The following ETV5 variants were observed in gnomAD, a reference collection of about 807,000 sequenced individuals.
ETV5 encodes the protein ETS variant transcription factor 5, also known as ETS translocation variant 5.
Under a neutral mutation model 70.0 loss-of-function variants are expected in ETV5, and 10 were observed. The ratio of observed to expected loss-of-function variants is 0.14; its 90% CI spans 0.09 to 0.24. The LOEUF (loss-of-function observed/expected upper bound fraction) is 0.24. Ranked by LOEUF, ETV5 falls within the 10% of genes least tolerant of loss-of-function variation. The pLI is 1.00. For missense variants in ETV5, 453 were observed against 651.2 expected (o/e 0.70, Z 3.31); for synonymous variants, 216 against 242.2 (o/e 0.89, Z 1.01).
Position 186,046,832 on chromosome 3 carries a change from A to T in ETV5, c.*1807T>A. On this transcript the variant is annotated 3_prime_UTR_variant, in exon 13 of 13. Transcript: ENST00000306376. ...AAAGCTATAAATATGGTTTAGAAAG[A>T]GTCCTTTGATTAGAGTACAATGCTA... 4.3e-6 allele frequency: 1 copy of T among 232,284 alleles called. No homozygotes were observed. The allele number at this position is 232,284 out of a possible 1,614,324, so 14.4% of individuals were successfully genotyped here.
intron 5 of ETV5, among the ~76,000 whole-genome samples, chr3:186,085,434 AC>A (rs1382464441): frequency 6.6e-6 from 1 of 151,548 alleles, no homozygotes; most frequent in East Asian, 1.9e-4. Flanking sequence ...GCTCTGGGAT[AC>A]CAAAATTAAC....
At position 186,057,414 on chromosome 3, in the gene ETV5, G is replaced by A. The variant is rs369162982; in HGVS notation, c.1039+9C>T. ...TACCTGGCAACAAACCTTGGATGGG[G>A]CTACTTACCTTCCAGTCTCTCAGGC... On this transcript the variant is annotated intron_variant, in intron 10 of 12. Coordinates refer to ENST00000306376, the MANE Select transcript of ETV5 (RefSeq NM_004454.3). The surrounding 1 kb of genome is among the most constrained non-coding windows in gnomAD (Gnocchi z 4.9). 9.9e-6 allele frequency: 16 copies of A among 1,613,626 alleles called. No homozygotes were observed. The highest frequency in any genetic ancestry group is 1.7e-5 in the Admixed American group (1 of 59,992).
rs972330166 is a variant in ETV5 at position 186,066,035 on chromosome 3, G to C, written c.688C>G (p.Pro230Ala). The C allele has an allele frequency of 1.9e-6, 3 of 1,609,082 alleles. No homozygotes were observed. Among genetic ancestry groups the C allele is most frequent in the Non-Finnish European group, 2.5e-6 (3 of 1,177,720 alleles). ...TCTCCAGGAACTCCTGGCTGAGGAG[G>C]GAAGGGGTGGCAGGGTTCAGACAGT... ...RQLSEPCHPF[P>A]PQPGVPGDNR... is the part of the protein sequence containing the mutation. The change falls in exon 8 of 13, where the codon CCT becomes GCT. Residue 230 changes from proline (P) to alanine (A), a missense_variant. Physicochemically the swap from Pro to Ala is conservative, Grantham distance 27 (BLOSUM62 -1). This residue lies in a region of ETV5 where 307 missense variants were observed against 344.9 expected (regional missense o/e 0.89). Coordinates refer to ENST00000306376, the MANE Select transcript of ETV5 (RefSeq NM_004454.3).
At chr3:186,102,504 G>A (rs1421860273) in intron 5 of ETV5, among the ~76,000 whole-genome samples, 2 of 151,806 alleles carry the variant, frequency 1.3e-5, no homozygotes, top group Non-Finnish European at 2.9e-5. Flanking sequence ...ATGGTGGCAG[G>A]TGCCTGTAAT....
chr3:186,081,025 C>A (rs375981906), intron 6 of ETV5, 21 bp downstream of exon 6: 7 of 1,590,512 alleles, frequency 4.4e-6, no homozygotes, highest in East Asian at 2.3e-5. Context: ...AGCCTTTCTT[C>A]GACTCCTCTT....
intron 5 of ETV5, among the ~76,000 whole-genome samples, chr3:186,088,001 C>T (rs568224641): frequency 2.6e-4 from 39 of 152,274 alleles, no homozygotes; most frequent in East Asian, 5.8e-4. Context: ...AGTTACCCTG[C>T]GGTCTGAAGG....
At position 186,073,090 on chromosome 3, in the gene ETV5, C is replaced by G. The variant is rs938786141; in HGVS notation, c.650+6727G>C. Among the ~76,000 whole-genome samples the G allele has an allele frequency of 3.3e-4, 50 of 152,138 alleles. 1 individual carries two copies. The highest frequency in any genetic ancestry group is 1.1e-3 in the African/African-American group (47 of 41,430). ...GAGGTTTTAGTAAGCCGAGACTGCA[C>G]CACTGCACTCCAGCCTGTGCGATGG... On this transcript the variant is annotated intron_variant, in intron 7 of 12. Transcript: ENST00000306376.
chr3:186,076,205 C>T (rs988239738), intron 7 of ETV5: 1 of 221,534 alleles, frequency 4.5e-6, no homozygotes, highest in Non-Finnish European at 9.0e-6. Context: ...CTTTCAAACA[C>T]AGTATTTATC....
chr3:186,086,658 T>A (rs1324776811), intron 5 of ETV5, among the ~76,000 whole-genome samples: 1 of 151,988 alleles, frequency 6.6e-6, no homozygotes, highest in Non-Finnish European at 1.5e-5. Context: ...AAAAGACATA[T>A]AAGATGTCTA....
chr3:186,087,423 T>C (rs1714084748), intron 5 of ETV5, among the ~76,000 whole-genome samples: 1 of 152,206 alleles, frequency 6.6e-6, no homozygotes, highest in Non-Finnish European at 1.5e-5. Context: ...GCTTATACCG[T>C]TTGTAAGAAT....
rs869399 is a variant in ETV5 at position 186,108,975 on chromosome 3, C to T, written c.-110G>A. The stretch of plus-strand genomic sequence containing the variant: ...CTCTCTCCTCCCCTTGCAGCGGCCC[C>T]GGCGGCGCAGGCGCGCTCACGCACG... On this transcript the variant is annotated 5_prime_UTR_variant, in exon 1 of 13. Coordinates refer to ENST00000306376, the MANE Select transcript of ETV5 (RefSeq NM_004454.3). 101,416 of 154,564 alleles carry T rather than the reference C, an allele frequency of 0.66. 34,619 individuals carry two copies. The highest frequency in any genetic ancestry group is 0.76 in the Non-Finnish European group (52,734 of 69,410). The allele number at this position is 154,564 out of a possible 1,614,324, so 9.6% of individuals were successfully genotyped here.
chr3:186,086,412 A>G (rs1714059270), intron 5 of ETV5, among the ~76,000 whole-genome samples: 1 of 152,248 alleles, frequency 6.6e-6, no homozygotes. Flanking sequence ...ATAAGGCAAG[A>G]ATAAACATAA....
intron 11 of ETV5, among the ~76,000 whole-genome samples, chr3:186,055,485 T>C (rs1713137231): frequency 6.6e-6 from 1 of 152,184 alleles, no homozygotes. Context: ...ACTAACACAG[T>C]GGCACTCAAC....
At chr3:186,078,861 A>AT (rs762932790) in intron 7 of ETV5, among the ~76,000 whole-genome samples, 2 of 151,896 alleles carry the variant, frequency 1.3e-5, no homozygotes, top group Non-Finnish European at 2.9e-5. Context: ...AAGGGACCTT[A>AT]TTTTTTCCCC....
Position 186,052,995 on chromosome 3 carries a change from C to G in ETV5, c.1210-864G>C, listed in dbSNP as rs1255110716. Among the ~76,000 whole-genome samples the G allele has an allele frequency of 6.6e-6, 1 of 151,818 alleles. No homozygotes were observed. The highest frequency in any genetic ancestry group is 2.4e-5 in the African/African-American group (1 of 41,296). On this transcript the variant is annotated intron_variant, in intron 11 of 12. Coordinates refer to ENST00000306376, the MANE Select transcript of ETV5 (RefSeq NM_004454.3). The surrounding 1 kb of genome is among the most constrained non-coding windows in gnomAD (Gnocchi z 4.5). ...TAACCCTGGAAATGTGAGTTTTACT[C>G]AGAGGTTTTCAAATGTATGCAAACC...
At chr3:186,049,363 GC>G (rs1177167650) in intron 12 of ETV5, among the ~76,000 whole-genome samples, 1 of 152,212 alleles carries the variant, frequency 6.6e-6, no homozygotes, top group Admixed American at 6.5e-5. Context: ...CTTACCTGCA[GC>G]TTTAAATGAC....
intron 7 of ETV5, among the ~76,000 whole-genome samples, chr3:186,069,877 G>C (rs370912235): frequency 6.6e-6 from 1 of 152,148 alleles, no homozygotes; most frequent in African/African-American, 2.4e-5. Context: ...CACAATCTCG[G>C]CTCACTGCAA....
At chr3:186,078,273 G>A (rs968957993) in intron 7 of ETV5, 4 of 867,562 alleles carry the variant, frequency 4.6e-6, no homozygotes, top group Non-Finnish European at 4.3e-6. Context: ...TTCTTTTACA[G>A]TTCATGGTAT....
chr3:186,074,611 A>G (rs530475035), intron 7 of ETV5, among the ~76,000 whole-genome samples: 1 of 152,264 alleles, frequency 6.6e-6, no homozygotes, highest in South Asian at 2.1e-4. Flanking sequence ...TACAAAATAT[A>G]ATACAGAATA....
Sources: gnomAD v4.1 joint callset for allele counts (sites outside exome capture counted in the v4.1 genomes callset) on GRCh38, gnomAD v4.1.1 for gene constraint, gnomAD v4.1.1 regional missense constraint, Gnocchi (gnomAD v3.1) non-coding constraint, MANE v1.5 for transcripts, NCBI Gene and HGNC (gene_info 2026-07-23, HGNC 2026-07-21) for gene names.